GRM8: variants seen among roughly 807,000 people sequenced by gnomAD.
The protein encoded by GRM8 is metabotropic glutamate receptor 8.
A neutral mutation model predicts 87.2 loss-of-function variants in GRM8; 47 were observed. The observed-to-expected ratio is 0.54, with a 90% CI of 0.43 to 0.69. The LOEUF (loss-of-function observed/expected upper bound fraction) is 0.69. Among genes scored for constraint, GRM8 ranks in the 30% least tolerant of loss-of-function variants. The pLI, the probability that GRM8 is intolerant of heterozygous loss-of-function variation, is 0.00. For missense variants in GRM8, 1,019 were observed against 1,139.2 expected (o/e 0.89, Z 1.52); for synonymous variants, 396 against 404.5 (o/e 0.98, Z 0.25).
Position 126,895,749 on chromosome 7 carries a change from G to A in GRM8, c.1156+6793C>T, listed in dbSNP as rs543722260. Among the ~76,000 whole-genome samples, 3 of 152,048 alleles carry A rather than the reference G, an allele frequency of 2.0e-5. No individual in the cohort carries two copies. The South Asian group carries it at 6.2e-4, about 32-fold the overall frequency. On this transcript the variant is annotated intron_variant, in intron 6 of 10. Transcript: ENST00000339582. ...ATACAAGGCAAGGGGCCAGGGAACTGGATGTAAAGGTTTACGCTGTTCAAG... is the reference window on the plus strand; with the variant it reads ...ATACAAGGCAAGGGGCCAGGGAACTAGATGTAAAGGTTTACGCTGTTCAAG...
chr7:126,613,375 G>C (rs1799113840), intron 7 of GRM8, among the ~76,000 whole-genome samples: 1 of 152,144 alleles, frequency 6.6e-6, no homozygotes, highest in Admixed American at 6.5e-5. Context: ...ACACAGGTAA[G>C]AAATATAACT....
intron 3 of GRM8, among the ~76,000 whole-genome samples, chr7:126,929,667 C>T (rs897676095): frequency 3.9e-5 from 6 of 152,084 alleles, no homozygotes; most frequent in African/African-American, 9.7e-5. Flanking sequence ...CTCCTGCCCT[C>T]AGGTGATCCA....
chr7:127,083,369 C>G (rs1187082500), intron 3 of GRM8, among the ~76,000 whole-genome samples: 1 of 152,112 alleles, frequency 6.6e-6, no homozygotes, highest in Admixed American at 6.6e-5. Context: ...GTCACCTCAT[C>G]TCCATCCTTG....
intron 8 of GRM8, among the ~76,000 whole-genome samples, chr7:126,592,134 A>T (rs1197469430): frequency 9.5e-6 from 1 of 105,598 alleles, no homozygotes; most frequent in Non-Finnish European, 1.9e-5. Context: ...TGAATCAATA[A>T]TATAAAGTCT....
intron 2 of GRM8, among the ~76,000 whole-genome samples, chr7:127,188,909 T>C (rs1587233976): frequency 6.6e-6 from 1 of 152,222 alleles, no homozygotes; most frequent in African/African-American, 2.4e-5. Context: ...TTTTATCTTG[T>C]ATTAAACGAT....
At chr7:126,447,976 G>A (rs1021962742) in intron 9 of GRM8, among the ~76,000 whole-genome samples, 1 of 151,934 alleles carries the variant, frequency 6.6e-6, no homozygotes. Context: ...GTACGTTTAC[G>A]GCTTATAAAT....
intron 3 of GRM8, among the ~76,000 whole-genome samples, chr7:127,079,873 T>A (rs1341058860): frequency 6.6e-6 from 1 of 152,100 alleles, no homozygotes; most frequent in Admixed American, 6.5e-5. Flanking sequence ...TCCGTCCCCA[T>A]CCTGTAAAAG....
chr7:127,088,787 T>C (rs1219627917), intron 3 of GRM8, among the ~76,000 whole-genome samples: 1 of 152,200 alleles, frequency 6.6e-6, no homozygotes, highest in African/African-American at 2.4e-5. Flanking sequence ...GCTTTGACCA[T>C]ATGTTTCAAG....
chr7:126,577,249 C>G (rs17610345), intron 8 of GRM8, among the ~76,000 whole-genome samples: 46,955 of 152,052 alleles, frequency 0.31, 8,127 homozygotes, highest in East Asian at 0.44. Context: ...CGTTTCTTAA[C>G]ATAGCTGACA....
At position 126,902,670 on chromosome 7, in the gene GRM8, C is replaced by G. The variant is rs13309334; in HGVS notation, c.1028G>C (p.Arg343Pro). 2 of 1,586,072 alleles carry G rather than the reference C, an allele frequency of 1.3e-6. No individual in the cohort carries two copies. The highest frequency in any genetic ancestry group is 8.6e-7 in the Non-Finnish European group (1 of 1,167,674). ...PKRASIDGFD[R>P]YFRSRTLANN... ...GGCAAGAGTTCGGCTTCTAAAGTATCGATCAAATCCTATTTCAAAGGAGAA... is the reference window on the plus strand; with the variant it reads ...GGCAAGAGTTCGGCTTCTAAAGTATGGATCAAATCCTATTTCAAAGGAGAA... The change falls in exon 6 of 11, where the codon CGA becomes CCA. Residue 343 changes from arginine (R) to proline (P), a missense_variant. By Grantham distance (103) the Arg-to-Pro change is moderately radical. Transcript: ENST00000339582.
chr7:126,503,298 T>C (rs1354620133), intron 9 of GRM8, among the ~76,000 whole-genome samples: 1 of 152,052 alleles, frequency 6.6e-6, no homozygotes, highest in Non-Finnish European at 1.5e-5. Flanking sequence ...ATAAGATGAA[T>C]ATGAGTTGTA....
intron 8 of GRM8, among the ~76,000 whole-genome samples, chr7:126,587,204 T>C (rs1796224085): frequency 6.6e-6 from 1 of 152,112 alleles, no homozygotes; most frequent in Non-Finnish European, 1.5e-5. Context: ...TGTGGAGAAA[T>C]AGGAACACCT....
intron 6 of GRM8, among the ~76,000 whole-genome samples, chr7:126,866,143 T>C (rs902462455): frequency 6.6e-6 from 1 of 152,238 alleles, no homozygotes; most frequent in Non-Finnish European, 1.5e-5. Flanking sequence ...TGGTATCTAA[T>C]TATGGTTTTG....
chr7:126,754,133 C>T (rs1816746380), intron 7 of GRM8, among the ~76,000 whole-genome samples: 1 of 151,714 alleles, frequency 6.6e-6, no homozygotes, highest in Non-Finnish European at 1.5e-5. Context: ...TTGAAATGCA[C>T]AGGGTTAATT....
chr7:127,083,841 T>C (rs1823143122), intron 3 of GRM8, among the ~76,000 whole-genome samples: 1 of 152,198 alleles, frequency 6.6e-6, no homozygotes, highest in South Asian at 2.1e-4. Context: ...TTCATCCCTG[T>C]CCTTCCAGAG....
intron 9 of GRM8, among the ~76,000 whole-genome samples, chr7:126,529,760 A>G (rs989160101): frequency 2.0e-5 from 3 of 152,194 alleles, no homozygotes; most frequent in Admixed American, 2.0e-4. Flanking sequence ...TGCCATCCTT[A>G]CAGCCCCTTA....
chr7:126,869,439 C>T (rs551330285), intron 6 of GRM8: 9 of 152,236 alleles, frequency 5.9e-5, no homozygotes, highest in Non-Finnish European at 1.2e-4. Flanking sequence ...ATGTACTTTT[C>T]CCAGATCCAT....
intron 6 of GRM8, among the ~76,000 whole-genome samples, chr7:126,825,301 T>A (rs1379949470): frequency 6.6e-6 from 1 of 152,078 alleles, no homozygotes; most frequent in African/African-American, 2.4e-5. Context: ...CTCCTGACCT[T>A]GTGATCTGCC....
At chr7:126,841,377 A>G (rs1411533946) in intron 6 of GRM8, among the ~76,000 whole-genome samples, 1 of 152,124 alleles carries the variant, frequency 6.6e-6, no homozygotes, top group Admixed American at 6.5e-5. Flanking sequence ...GCTCAGCAGG[A>G]CAATTGACCA....
Sources: allele counts gnomAD v4.1 joint callset (sites outside exome capture counted in the v4.1 genomes callset), GRCh38; gene constraint gnomAD v4.1.1; transcripts MANE v1.5; gene names NCBI Gene and HGNC (gene_info 2026-07-23, HGNC 2026-07-21).